The following DCUN1D1 variants were observed in gnomAD, a reference collection of about 807,000 sequenced individuals.
DCUN1D1 encodes the protein DCN1-like protein 1.
In DCUN1D1, 3 loss-of-function variants were observed where a neutral mutation model predicts 39.0. That is an observed-to-expected ratio of 0.08 (90% confidence interval 0.04 to 0.20). DCUN1D1 has a LOEUF of 0.20. Among genes scored for constraint, DCUN1D1 ranks in the 10% least tolerant of loss-of-function variants. DCUN1D1 has a pLI of 1.00. For missense variants in DCUN1D1, 158 were observed against 302.4 expected (o/e 0.52, Z 3.54); for synonymous variants, 82 against 96.3 (o/e 0.85, Z 0.87).
At chr3:182,960,110 T>C (rs1479171562) in intron 4 of DCUN1D1, among the ~76,000 whole-genome samples, 2 of 152,148 alleles carry the variant, frequency 1.3e-5, no homozygotes, top group African/African-American at 4.8e-5. Context: ...TATTCTGTTA[T>C]AGCAACACAA....
At chr3:182,982,517 C>G (rs1053911397), upstream of DCUN1D1, among the ~76,000 whole-genome samples, 1 of 152,182 alleles carries the variant, frequency 6.6e-6, no homozygotes, top group African/African-American at 2.4e-5. Flanking sequence ...AACTAGAAAT[C>G]TAAGAATCAT....
chr3:182,947,516 AAAAC>A (rs1268419545), intron 5 of DCUN1D1, 30 bp downstream of exon 5: 1 of 1,329,556 alleles, frequency 7.5e-7, no homozygotes, highest in African/African-American at 1.5e-5. Context: ...AGAATTTGAG[AAAAC>A]AGAGAGAAAT....
upstream of DCUN1D1, among the ~76,000 whole-genome samples, chr3:182,981,215 G>A (rs1399591216): frequency 6.6e-6 from 1 of 152,132 alleles, no homozygotes; most frequent in Non-Finnish European, 1.5e-5. Context: ...GTGAGATGGG[G>A]TGGGGTGCAC....
intron 1 of DCUN1D1, among the ~76,000 whole-genome samples, chr3:182,972,665 C>T (rs546652025): frequency 6.6e-6 from 1 of 152,054 alleles, no homozygotes; most frequent in Admixed American, 6.6e-5. Context: ...CACTTGAGTC[C>T]AGAAAGTTGA....
chr3:182,951,704 T>C (rs1339340432), intron 4 of DCUN1D1, among the ~76,000 whole-genome samples: 1 of 148,684 alleles, frequency 6.7e-6, no homozygotes, highest in Non-Finnish European at 1.5e-5. Flanking sequence ...TTCTTTTTTT[T>C]TTTTTTTTTG....
intron 4 of DCUN1D1, among the ~76,000 whole-genome samples, chr3:182,955,104 G>A (rs7641267): frequency 0.48 from 73,267 of 151,410 alleles, 22,097 homozygotes; most frequent in Non-Finnish European, 0.67. Flanking sequence ...GCAATGGTGC[G>A]ATCTCGGCTC....
intron 3 of DCUN1D1, among the ~76,000 whole-genome samples, chr3:182,962,263 G>A (rs1560172777): frequency 6.6e-6 from 1 of 152,254 alleles, no homozygotes; most frequent in South Asian, 2.1e-4. Context: ...GTCCAGGCCA[G>A]TTAATTTACT....
Position 182,964,053 on chromosome 3 carries a change from T to G in DCUN1D1, c.221-4A>C. On this transcript the variant is annotated splice_polypyrimidine_tract_variant and splice_region_variant and intron_variant, in intron 2 of 6. Transcript: ENST00000292782. ...ATTTTATTCTCATCTTGAGGGTCTT[T>G]AAAAATAACAATGCAATATTAAAGT... 1 of 1,607,630 alleles carries G rather than the reference T, an allele frequency of 6.2e-7. No individual in the cohort carries two copies. Among genetic ancestry groups the G allele is most frequent in the Non-Finnish European group, 8.5e-7 (1 of 1,176,156 alleles).
chr3:182,972,325 ATGG>A (rs1041823170), intron 1 of DCUN1D1, among the ~76,000 whole-genome samples: 7 of 152,198 alleles, frequency 4.6e-5, no homozygotes, highest in African/African-American at 1.7e-4. Context: ...CAGAAAATAT[ATGG>A]AAATATGTAC....
intron 3 of DCUN1D1, among the ~76,000 whole-genome samples, chr3:182,962,184 GA>G (rs1727431941): frequency 6.6e-6 from 1 of 152,182 alleles, no homozygotes; most frequent in African/African-American, 2.4e-5. Context: ...AAGTTCTGAT[GA>G]AACCTGTCCT....
At chr3:182,947,184 T>C (rs1726454657) in intron 6 of DCUN1D1, 54 bp downstream of exon 6, 1 of 907,428 alleles carries the variant, frequency 1.1e-6, no homozygotes, top group African/African-American at 1.7e-5. Context: ...AGTTCAAGGG[T>C]ATGGGATAAA....
chr3:182,972,618 G>A (rs1044978716), intron 1 of DCUN1D1, among the ~76,000 whole-genome samples: 2 of 152,116 alleles, frequency 1.3e-5, no homozygotes, highest in Non-Finnish European at 1.5e-5. Flanking sequence ...GCGCACAGCT[G>A]TAGTTCCAGC....
intron 1 of DCUN1D1, among the ~76,000 whole-genome samples, chr3:182,970,048 G>A (rs1183291604): frequency 1.3e-5 from 2 of 152,122 alleles, no homozygotes; most frequent in African/African-American, 4.8e-5. Flanking sequence ...GAGGCCAGGA[G>A]TTCAAGACTA....
chr3:182,946,117 A>C (rs1726385025), intron 6 of DCUN1D1, among the ~76,000 whole-genome samples: 1 of 152,146 alleles, frequency 6.6e-6, no homozygotes, highest in African/African-American at 2.4e-5. Context: ...AATGTAAATC[A>C]CTTCTACATA....
intron 4 of DCUN1D1, among the ~76,000 whole-genome samples, chr3:182,953,210 C>T (rs1321559932): frequency 6.6e-6 from 1 of 152,136 alleles, no homozygotes; most frequent in Non-Finnish European, 1.5e-5. Context: ...ACTAAAGATG[C>T]TCTTGACTCC....
chr3:182,951,125 C>T (rs866514595), intron 4 of DCUN1D1: 1 of 149,320 alleles, frequency 6.7e-6, no homozygotes, highest in African/African-American at 2.5e-5. Flanking sequence ...TTGTTCAATT[C>T]TGTTCTTTTC....
Position 182,944,170 on chromosome 3 carries a change from A to G in DCUN1D1, c.*924T>C, listed in dbSNP as rs1169847270. ...GACAAAAAAAAAGTAAAAACAAAACAAAAAAACCCTCATGCCTAAATTTAG... is the reference window on the plus strand; with the variant it reads ...GACAAAAAAAAAGTAAAAACAAAACGAAAAAACCCTCATGCCTAAATTTAG... On this transcript the variant is annotated 3_prime_UTR_variant, in exon 7 of 7. Coordinates refer to ENST00000292782, the MANE Select transcript of DCUN1D1 (RefSeq NM_020640.4). The G allele has an allele frequency of 6.6e-6, 1 of 152,586 alleles. No individual in the cohort carries two copies. The highest frequency in any genetic ancestry group is 1.5e-5 in the Non-Finnish European group (1 of 68,028). 9.5% of individuals were successfully genotyped at this position (152,586 alleles called of 1,614,324 possible).
rs781259257 is a variant in DCUN1D1 at position 182,947,244 on chromosome 3, C to T, written c.694G>A (p.Glu232Lys). ...TGGCAAAAATTTTCATTACCTTCTTCATCATAATTAGACATGTCATCTGCA... is the reference window on the plus strand; with the variant it reads ...TGGCAAAAATTTTCATTACCTTCTTTATCATAATTAGACATGTCATCTGCA... ...MIADDMSNYDEEGAWPVLIDD... is the reference protein window; with the variant it reads ...MIADDMSNYDKEGAWPVLIDD... The change falls in exon 6 of 7, where the codon GAA becomes AAA. Residue 232 changes from glutamate (E) to lysine (K), a missense_variant. Physicochemically the swap from Glu to Lys is moderately conservative, Grantham distance 56. This residue lies in a region of DCUN1D1 where 14 missense variants were observed against 48.0 expected (regional missense o/e 0.29). Coordinates refer to ENST00000292782, the MANE Select transcript of DCUN1D1 (RefSeq NM_020640.4). The T allele has an allele frequency of 6.3e-7, 1 of 1,587,274 alleles. No individual in the cohort carries two copies. The highest frequency in any genetic ancestry group is 8.6e-7 in the Non-Finnish European group (1 of 1,168,826).
intron 4 of DCUN1D1, among the ~76,000 whole-genome samples, chr3:182,950,156 CT>C (rs200728551): frequency 1.3e-5 from 2 of 149,556 alleles, no homozygotes; most frequent in South Asian, 2.1e-4. Flanking sequence ...TATCACTTAT[CT>C]TTTTTTTTTG....
Sources: gnomAD v4.1 joint callset for allele counts (sites outside exome capture counted in the v4.1 genomes callset) on GRCh38, gnomAD v4.1.1 for gene constraint, gnomAD v4.1.1 regional missense constraint, MANE v1.5 for transcripts, NCBI Gene and HGNC (gene_info 2026-07-23, HGNC 2026-07-21) for gene names.